Variants in ZNF277 observed in about 807,000 individuals in gnomAD.
The protein encoded by ZNF277 is nuclear receptor-interacting factor 4.
ZNF277 carries 55 observed loss-of-function variants against 60.7 expected under a neutral mutation model. The observed-to-expected ratio is 0.91, with a 90% confidence interval of 0.73 to 1.13. The LOEUF (loss-of-function observed/expected upper bound fraction) is 1.13. ZNF277 is among the 50% of genes most tolerant of loss of function. The pLI is 0.00. For missense variants in ZNF277, 510 were observed against 523.0 expected (o/e 0.98, Z 0.24); for synonymous variants, 178 against 179.3 (o/e 0.99, Z 0.06).
intron 4 of ZNF277, among the ~76,000 whole-genome samples, chr7:112,306,505 G>A (rs1022364507): frequency 6.6e-6 from 1 of 151,988 alleles, no homozygotes; most frequent in Non-Finnish European, 1.5e-5. Flanking sequence ...GTGAGCCACC[G>A]CCCCCAGCTG....
chr7:112,319,972 T>C (rs1353308647), intron 5 of ZNF277, among the ~76,000 whole-genome samples: 2 of 151,982 alleles, frequency 1.3e-5, no homozygotes, highest in Non-Finnish European at 2.9e-5. Flanking sequence ...TAACAAAATA[T>C]TTCCGATTTT....
At chr7:112,342,383 C>A (rs568269129) in intron 11 of ZNF277, among the ~76,000 whole-genome samples, 178 bp from the exon 12 acceptor site, 4 of 152,308 alleles carry the variant, frequency 2.6e-5, no homozygotes, top group Admixed American at 2.6e-4. Flanking sequence ...AGGTTGATGT[C>A]AGCCAGTAAA....
At chr7:112,278,584 A>G (rs553235944) in intron 1 of ZNF277, among the ~76,000 whole-genome samples, 77 of 152,280 alleles carry the variant, frequency 5.1e-4, no homozygotes, top group South Asian at 3.9e-3. Flanking sequence ...TGTCGGGTGG[A>G]ACACTCTATC....
chr7:112,330,039 A>G (rs374556029), intron 6 of ZNF277, 45 bp from the exon 7 acceptor site: 1 of 1,568,308 alleles, frequency 6.4e-7, no homozygotes, highest in Middle Eastern at 1.8e-4. Flanking sequence ...TATTGCAGCA[A>G]CTATACAAGA....
chr7:112,265,403 T>A (rs1024963034), intron 1 of ZNF277, among the ~76,000 whole-genome samples: 7 of 152,144 alleles, frequency 4.6e-5, no homozygotes, highest in African/African-American at 1.7e-4. Context: ...ATCTTAAAGT[T>A]CACCATCTTA....
chr7:112,237,204 A>T (rs1355597341), intron 1 of ZNF277, among the ~76,000 whole-genome samples: 1 of 152,178 alleles, frequency 6.6e-6, no homozygotes, highest in Admixed American at 6.5e-5. Context: ...AACATACCAA[A>T]ACCTCTGGGA....
rs183627492 is a variant in ZNF277, at chr7:112,316,926, G to T, written c.466-1256G>T. 5.0e-3 allele frequency among the ~76,000 whole-genome samples: 754 copies of T among 152,106 alleles called. 7 individuals carry two copies. The highest frequency in any genetic ancestry group is 7.3e-3 in the Non-Finnish European group (497 of 67,982). On this transcript the variant is annotated intron_variant, in intron 4 of 11. Coordinates refer to ENST00000361822, the MANE Select transcript of ZNF277 (RefSeq NM_021994.3). Reference sequence around the variant, plus strand: ...CCAAATGCCCATCAATGATAGACTGGATAAAGAAAATGTGGCACATATACA... The same window carrying T: ...CCAAATGCCCATCAATGATAGACTGTATAAAGAAAATGTGGCACATATACA...
intron 1 of ZNF277, among the ~76,000 whole-genome samples, chr7:112,232,425 C>G (rs1337862182): frequency 6.6e-6 from 1 of 152,036 alleles, no homozygotes; most frequent in Non-Finnish European, 1.5e-5. Flanking sequence ...GATGGTATAC[C>G]TACTTTGAAC....
rs1272849996 is a variant in ZNF277 at position 112,336,145 on chromosome 7, T to C, written c.843T>C (p.Asp281=). 2 of 1,610,952 alleles carry C rather than the reference T, an allele frequency of 1.2e-6. No individual in the cohort carries two copies. The highest frequency in any genetic ancestry group is 3.4e-5 in the Admixed American group (2 of 59,656). ...GGGAAGAAGTTCAGTTGGAAGATGA[T>C]CGGGAGTTGCTGGACCATCAGGAAG... ...KSWEEVQLED[D]RELLDHQEDD... The change falls in exon 8 of 12, where the codon GAT becomes GAC. Residue 281 remains aspartate (D), a synonymous_variant. Transcript: ENST00000361822.
intron 1 of ZNF277, among the ~76,000 whole-genome samples, chr7:112,278,531 T>C (rs1383459751): frequency 1.3e-5 from 2 of 152,212 alleles, no homozygotes; most frequent in Non-Finnish European, 2.9e-5. Flanking sequence ...CAGACACTCA[T>C]GTGCTTTACA....
At chr7:112,285,534 A>C (rs1378325986) in intron 1 of ZNF277, among the ~76,000 whole-genome samples, 1 of 150,486 alleles carries the variant, frequency 6.6e-6, no homozygotes, top group African/African-American at 2.5e-5. Flanking sequence ...TCCCAGGTTC[A>C]AGCAAGTCTC....
intron 4 of ZNF277, among the ~76,000 whole-genome samples, chr7:112,302,588 T>C (rs1427493410): frequency 6.6e-6 from 1 of 152,084 alleles, no homozygotes; most frequent in African/African-American, 2.4e-5. Flanking sequence ...ATTGAGTAAG[T>C]TTAACCTTCA....
At chr7:112,286,722 C>G (rs1214721482) in intron 1 of ZNF277, 151 bp from the exon 2 acceptor site, 2 of 662,248 alleles carry the variant, frequency 3.0e-6, no homozygotes, top group African/African-American at 3.7e-5. Context: ...ATAAAGTATC[C>G]TACTCTCCAG....
At chr7:112,249,540 G>A (rs1791156808) in intron 1 of ZNF277, among the ~76,000 whole-genome samples, 1 of 152,042 alleles carries the variant, frequency 6.6e-6, no homozygotes. Flanking sequence ...CTGAAAAAGA[G>A]GTACCTGGAT....
chr7:112,342,768 A>G lies in ZNF277; in HGVS notation c.*39A>G, dbSNP rs991231454. 1.4e-6 allele frequency: 2 copies of G among 1,428,188 alleles called. No individual in the cohort carries two copies. The highest frequency in any genetic ancestry group is 1.8e-6 in the Non-Finnish European group (2 of 1,082,114). The allele number at this position is 1,428,188 out of a possible 1,614,324, so 88.5% of individuals were successfully genotyped here. A position where few individuals can be genotyped will look rare whatever the true frequency, so the allele number is the denominator to read the frequency against. On this transcript the variant is annotated 3_prime_UTR_variant, in exon 12 of 12. Transcript: ENST00000361822. ...CCTAGAAGAAACTACCACAGAAGCA[A>G]TTTTTCATGTTTTTCTCCTATGAGA... is the stretch of plus-strand genomic sequence containing the variant.
intron 4 of ZNF277, 29 bp from the exon 5 acceptor site, chr7:112,318,153 A>T: frequency 1.3e-6 from 2 of 1,575,448 alleles, no homozygotes; most frequent in Non-Finnish European, 1.7e-6. Flanking sequence ...GCATTAAGAT[A>T]ATACCATAAA....
At chr7:112,220,565 A>G (rs1204568873) in intron 1 of ZNF277, among the ~76,000 whole-genome samples, 1 of 152,210 alleles carries the variant, frequency 6.6e-6, no homozygotes. Context: ...AGAGGTGCTG[A>G]GCATGGGCAT....
At position 112,310,454 on chromosome 7, in the gene ZNF277, T is replaced by TGAGAGAGAGAGAGAGAGAGAGA. The variant is rs377447375; in HGVS notation, c.466-7724_466-7703dup. On this transcript the variant is annotated intron_variant, in intron 4 of 11. Coordinates refer to ENST00000361822, the MANE Select transcript of ZNF277 (RefSeq NM_021994.3). ...TTAGGGCCTACCTTTAGGTTAGGTT[T>TGAGAGAGAGAGAGAGAGAGAGA]GAGAGAGAGAGAGAGAGAGAGAGAG... Among the ~76,000 whole-genome samples the TGAGAGAGAGAGAGAGAGAGAGA allele has an allele frequency of 2.6e-3, 300 of 117,202 alleles. 2 individuals are homozygous for TGAGAGAGAGAGAGAGAGAGAGA. The highest frequency in any genetic ancestry group is 0.013 in the Middle Eastern group (3 of 228). The allele number at this position is 117,202 out of a possible 152,430, so 76.9% of individuals were successfully genotyped here. A position where few individuals can be genotyped will look rare whatever the true frequency, so the allele number is the denominator to read the frequency against.
intron 4 of ZNF277, among the ~76,000 whole-genome samples, chr7:112,312,716 T>G (rs77636347): frequency 6.6e-6 from 1 of 152,084 alleles, no homozygotes; most frequent in Non-Finnish European, 1.5e-5. Flanking sequence ...GTTGGTGAAA[T>G]TTTTCATAAT....
Sources: allele counts gnomAD v4.1 joint callset (sites outside exome capture counted in the v4.1 genomes callset), GRCh38; gene constraint gnomAD v4.1.1; transcripts MANE v1.5; gene names NCBI Gene and HGNC (gene_info 2026-07-23, HGNC 2026-07-21).